CCDC178: variants seen among roughly 807,000 people sequenced by gnomAD.
CCDC178 encodes coiled-coil domain-containing protein 178.
CCDC178 carries 126 observed loss-of-function variants against 117.4 expected under a neutral mutation model. The ratio of observed to expected loss-of-function variants is 1.07; its 90% CI spans 0.93 to 1.24. The LOEUF (loss-of-function observed/expected upper bound fraction) is 1.24, where lower values mean the gene tolerates loss of function less well. CCDC178 is among the 50% of genes most tolerant of loss of function. The pLI, the probability that CCDC178 is intolerant of heterozygous loss-of-function variation, is 0.00. For synonymous variants in CCDC178, 283 were observed against 313.4 expected (o/e 0.90, Z 1.02); for missense variants, 1,030 against 986.9 (o/e 1.04, Z -0.59).
chr18:33,415,354 T>C (rs2063922163), intron 2 of CCDC178, among the ~76,000 whole-genome samples: 1 of 152,172 alleles, frequency 6.6e-6, no homozygotes, highest in South Asian at 2.1e-4. Context: ...ATATACACTA[T>C]GGAATACTAT....
At chr18:33,067,407 A>G (rs549308657) in intron 21 of CCDC178, among the ~76,000 whole-genome samples, 1 of 152,222 alleles carries the variant, frequency 6.6e-6, no homozygotes, top group Admixed American at 6.5e-5. Context: ...AAAAGTAGAA[A>G]GATTTCAAAT....
At chr18:32,996,357 C>T (rs2055508576) in intron 21 of CCDC178, among the ~76,000 whole-genome samples, 1 of 151,696 alleles carries the variant, frequency 6.6e-6, no homozygotes, top group South Asian at 2.1e-4. Flanking sequence ...TTATAATGTA[C>T]AAAAAATGCT....
chr18:33,200,707 G>C (rs1248495341), intron 20 of CCDC178, among the ~76,000 whole-genome samples: 1 of 151,986 alleles, frequency 6.6e-6, no homozygotes, highest in Non-Finnish European at 1.5e-5. Context: ...ACTCATCTTC[G>C]CAAGTTTTTT....
chr18:33,273,657 T>C (rs1409847740), intron 12 of CCDC178, among the ~76,000 whole-genome samples: 1 of 151,708 alleles, frequency 6.6e-6, no homozygotes, highest in Non-Finnish European at 1.5e-5. Context: ...AAATACTGAA[T>C]ATCCACTTAC....
At chr18:32,990,327 C>T (rs757654476) in intron 21 of CCDC178, among the ~76,000 whole-genome samples, 3 of 152,024 alleles carry the variant, frequency 2.0e-5, no homozygotes, top group Non-Finnish European at 2.9e-5. Flanking sequence ...GAAATCAAGT[C>T]GGAGACATTT....
At chr18:33,036,567 T>C (rs2056448797) in intron 21 of CCDC178, among the ~76,000 whole-genome samples, 1 of 151,852 alleles carries the variant, frequency 6.6e-6, no homozygotes, top group Admixed American at 6.6e-5. Flanking sequence ...GAAATCTGAC[T>C]GAGGGGAGGT....
At chr18:33,117,080 G>T (rs185576367) in intron 20 of CCDC178, among the ~76,000 whole-genome samples, 37 of 152,178 alleles carry the variant, frequency 2.4e-4, no homozygotes, top group Non-Finnish European at 4.4e-4. Flanking sequence ...CTACTAAGGG[G>T]CATGGTTAGA....
chr18:33,132,419 T>C (rs934883452), intron 20 of CCDC178, among the ~76,000 whole-genome samples: 5 of 151,856 alleles, frequency 3.3e-5, no homozygotes, highest in Non-Finnish European at 7.4e-5. Context: ...CAAACATCTA[T>C]ATATTACGTT....
At chr18:33,031,785 T>A (rs1377299333) in intron 21 of CCDC178, among the ~76,000 whole-genome samples, 1 of 152,096 alleles carries the variant, frequency 6.6e-6, no homozygotes, top group Non-Finnish European at 1.5e-5. Flanking sequence ...ATAACAATGT[T>A]CATGGCAGCA....
chr18:33,316,150 G>A (rs1233745824), intron 11 of CCDC178, among the ~76,000 whole-genome samples: 8 of 152,186 alleles, frequency 5.3e-5, no homozygotes, highest in African/African-American at 1.9e-4. Flanking sequence ...CCTTCAGCCC[G>A]CCGCTGCACT....
At chr18:33,087,521 G>A (rs568542114) in intron 21 of CCDC178, among the ~76,000 whole-genome samples, 2 of 146,388 alleles carry the variant, frequency 1.4e-5, no homozygotes, top group South Asian at 2.1e-4. Flanking sequence ...GTGTGTGTGT[G>A]TGTATGTGTG....
At chr18:32,975,814 CAT>C (rs761492287) in intron 21 of CCDC178, among the ~76,000 whole-genome samples, 8 of 152,030 alleles carry the variant, frequency 5.3e-5, no homozygotes, top group South Asian at 2.1e-4. Flanking sequence ...AGAGTAAAAA[CAT>C]GTGAAAAATG....
At chr18:32,969,689 A>C (rs1357696769) in intron 22 of CCDC178, among the ~76,000 whole-genome samples, 1 of 151,960 alleles carries the variant, frequency 6.6e-6, no homozygotes, top group Non-Finnish European at 1.5e-5. Flanking sequence ...TATGCTTCCC[A>C]AACTTGTATA....
At chr18:33,072,571 T>C (rs1026293806) in intron 21 of CCDC178, among the ~76,000 whole-genome samples, 21 of 152,196 alleles carry the variant, frequency 1.4e-4, no homozygotes, top group Non-Finnish European at 5.9e-5. Flanking sequence ...TCAAACTTGA[T>C]GTGTATTGAC....
At chr18:33,250,170 T>C (rs1209211586) in intron 14 of CCDC178, among the ~76,000 whole-genome samples, 1 of 151,700 alleles carries the variant, frequency 6.6e-6, no homozygotes, top group East Asian at 1.9e-4. Flanking sequence ...TGTCAACAAA[T>C]ATATGTATTG....
At chr18:33,053,205 T>G (rs762772080) in intron 21 of CCDC178, among the ~76,000 whole-genome samples, 20 of 152,042 alleles carry the variant, frequency 1.3e-4, no homozygotes, top group Admixed American at 2.0e-4. Flanking sequence ...CAAGCTTCGA[T>G]CCATAAAATA....
At chr18:33,024,567 C>T (rs1188534695) in intron 21 of CCDC178, among the ~76,000 whole-genome samples, 2 of 152,112 alleles carry the variant, frequency 1.3e-5, no homozygotes, top group Admixed American at 1.3e-4. Context: ...AGAACTTCAA[C>T]AATGAATTTG....
At chr18:33,384,780 C>A (rs1030076520) in intron 5 of CCDC178, among the ~76,000 whole-genome samples, 3 of 152,156 alleles carry the variant, frequency 2.0e-5, no homozygotes, top group Non-Finnish European at 2.9e-5. Context: ...CACAGACCAA[C>A]AACTCTATGA....
chr18:33,101,774 C>A (rs761198579), intron 20 of CCDC178, among the ~76,000 whole-genome samples: 1 of 151,966 alleles, frequency 6.6e-6, no homozygotes, highest in East Asian at 1.9e-4. Flanking sequence ...AAAAACTGAT[C>A]TAAGGGGTTC....
Sources: gnomAD v4.1 joint callset for allele counts (sites outside exome capture counted in the v4.1 genomes callset) on GRCh38, gnomAD v4.1.1 for gene constraint, MANE v1.5 for transcripts, NCBI Gene and HGNC (gene_info 2026-07-23, HGNC 2026-07-21) for gene names.